Variants in NRG3 observed in about 807,000 individuals in gnomAD.
NRG3 encodes neuregulin 3, also known as pro-neuregulin-3, membrane-bound isoform.
In NRG3, 31 loss-of-function variants were observed where a neutral mutation model predicts 66.9. The observed-to-expected ratio is 0.46, with a 90% CI of 0.35 to 0.63. NRG3 has a LOEUF of 0.63. Ranked by LOEUF, NRG3 falls within the 20% of genes least tolerant of loss-of-function variation. NRG3 has a pLI of 0.00. For synonymous variants in NRG3, 393 were observed against 359.4 expected (o/e 1.09, Z -1.06); for missense variants, 910 against 878.9 (o/e 1.04, Z -0.45).
Position 82,557,980 on chromosome 10 carries a change from G to A in NRG3, c.954-180597G>A, listed in dbSNP as rs111328234. Among the ~76,000 whole-genome samples, 3 of 152,282 alleles carry A rather than the reference G, an allele frequency of 2.0e-5. No individual in the cohort carries two copies. The South Asian group carries it at 6.2e-4, about 32-fold the overall frequency. On this transcript the variant is annotated intron_variant, in intron 2 of 8. Coordinates refer to ENST00000372141, the MANE Select transcript of NRG3 (RefSeq NM_001010848.4). The stretch of plus-strand genomic sequence containing the variant: ...CATTACAAGGTGGTAAAAGATGAAA[G>A]AGAGGTTTGGAACACGTGGAGCTCT...
intron 1 of NRG3, among the ~76,000 whole-genome samples, chr10:82,259,208 T>C (rs1260711796): frequency 6.6e-6 from 1 of 152,218 alleles, no homozygotes; most frequent in Non-Finnish European, 1.5e-5. Flanking sequence ...GAAGTTGTTA[T>C]CTTTTTCACT....
intron 2 of NRG3, among the ~76,000 whole-genome samples, chr10:82,412,414 C>G (rs538013617): frequency 6.6e-6 from 1 of 152,016 alleles, no homozygotes; most frequent in South Asian, 2.1e-4. Flanking sequence ...AGCATCATGT[C>G]AAAAAATGTA....
chr10:82,435,749 G>A (rs1030552975), intron 2 of NRG3, among the ~76,000 whole-genome samples: 4 of 146,738 alleles, frequency 2.7e-5, no homozygotes, highest in Non-Finnish European at 6.0e-5. Context: ...CCATGAAATT[G>A]TGTGGTTTTG....
chr10:82,557,408 A>C (rs1416715743), intron 2 of NRG3, among the ~76,000 whole-genome samples: 1 of 151,884 alleles, frequency 6.6e-6, no homozygotes, highest in Non-Finnish European at 1.5e-5. Flanking sequence ...CTTTTTTTTC[A>C]TATGCTTATT....
At chr10:81,902,989 T>A (rs1654623123) in intron 1 of NRG3, among the ~76,000 whole-genome samples, 1 of 151,582 alleles carries the variant, frequency 6.6e-6, no homozygotes, top group African/African-American at 2.4e-5. Context: ...GGTACTATTA[T>A]CTCCATTTCA....
At chr10:82,640,124 G>T (rs2050468007) in intron 2 of NRG3, among the ~76,000 whole-genome samples, 1 of 152,098 alleles carries the variant, frequency 6.6e-6, no homozygotes, top group Admixed American at 6.5e-5. Context: ...TGGATGCATA[G>T]CAAATACCAT....
At chr10:82,478,832 T>A (rs1262238510) in intron 2 of NRG3, among the ~76,000 whole-genome samples, 1 of 152,226 alleles carries the variant, frequency 6.6e-6, no homozygotes, top group Non-Finnish European at 1.5e-5. Context: ...AACCTGCTAA[T>A]CTTTTATGGT....
At position 82,577,943 on chromosome 10, in the gene NRG3, G is replaced by A. The variant is rs533433591; in HGVS notation, c.954-160634G>A. On this transcript the variant is annotated intron_variant, in intron 2 of 8. Coordinates refer to ENST00000372141, the MANE Select transcript of NRG3 (RefSeq NM_001010848.4). ...TAAAAAGTCTCAGGAAACTGATCAC[G>A]ACAAACTCTAGTGAAAGTCTTTATT... Among the ~76,000 whole-genome samples, 4 of 151,534 alleles carry A rather than the reference G, an allele frequency of 2.6e-5. No individual in the cohort carries two copies. In the South Asian group the frequency reaches 8.3e-4, roughly 31 times the overall value.
intron 4 of NRG3, among the ~76,000 whole-genome samples, chr10:82,897,464 T>A (rs971981765): frequency 3.9e-5 from 6 of 152,190 alleles, no homozygotes; most frequent in African/African-American, 1.4e-4. Flanking sequence ...CTTCTTTTTT[T>A]TTCTGATCTT....
intron 2 of NRG3, among the ~76,000 whole-genome samples, chr10:82,712,152 A>C (rs1468511035): frequency 6.6e-6 from 1 of 151,998 alleles, no homozygotes; most frequent in Non-Finnish European, 1.5e-5. Context: ...ATTTTTAAAA[A>C]ATATTTTCTT....
chr10:81,904,155 A>G (rs1156474920), intron 1 of NRG3, among the ~76,000 whole-genome samples: 5 of 151,812 alleles, frequency 3.3e-5, no homozygotes, highest in South Asian at 4.2e-4. Flanking sequence ...GATTACAGGC[A>G]TGCAACACCA....
chr10:82,108,816 C>G (rs1407629582), intron 1 of NRG3, among the ~76,000 whole-genome samples: 1 of 152,168 alleles, frequency 6.6e-6, no homozygotes. Context: ...AGTGAAAGCT[C>G]AGGCAGAAGA....
At chr10:82,875,409 G>A (rs1841721946) in intron 4 of NRG3, among the ~76,000 whole-genome samples, 1 of 152,130 alleles carries the variant, frequency 6.6e-6, no homozygotes, top group South Asian at 2.1e-4. Flanking sequence ...ACAGGCTGGA[G>A]TGCAGTGGTG....
At chr10:82,531,603 C>T (rs1847269651) in intron 2 of NRG3, among the ~76,000 whole-genome samples, 1 of 151,724 alleles carries the variant, frequency 6.6e-6, no homozygotes, top group Non-Finnish European at 1.5e-5. Context: ...ATTTCATTCT[C>T]CAAAATATCC....
intron 1 of NRG3, among the ~76,000 whole-genome samples, chr10:82,056,405 A>G (rs2063849255): frequency 6.6e-6 from 1 of 152,184 alleles, no homozygotes. Context: ...CTTTGAAGCT[A>G]AAAGGATGGA....
chr10:82,734,843 C>T (rs373724585), intron 2 of NRG3, among the ~76,000 whole-genome samples: 7 of 151,654 alleles, frequency 4.6e-5, no homozygotes, highest in African/African-American at 1.7e-4. Context: ...CCTAGCAAAA[C>T]CCCCCTCTAC....
At chr10:82,632,625 G>C (rs2049919833) in intron 2 of NRG3, among the ~76,000 whole-genome samples, 1 of 152,130 alleles carries the variant, frequency 6.6e-6, no homozygotes, top group Admixed American at 6.6e-5. Context: ...TCGCAAAAGA[G>C]AAGGACTGTG....
At chr10:82,843,648 G>A (rs1478277951) in intron 3 of NRG3, among the ~76,000 whole-genome samples, 1 of 152,116 alleles carries the variant, frequency 6.6e-6, no homozygotes, top group East Asian at 1.9e-4. Context: ...GATGTTAGGT[G>A]AGCACAGCAA....
At chr10:82,505,257 TA>T (rs1249062943) in intron 2 of NRG3, among the ~76,000 whole-genome samples, 1 of 152,222 alleles carries the variant, frequency 6.6e-6, no homozygotes, top group East Asian at 1.9e-4. Flanking sequence ...GAAAGAATCC[TA>T]GCTGTTCACT....
Sources: allele counts gnomAD v4.1 joint callset (sites outside exome capture counted in the v4.1 genomes callset), GRCh38; gene constraint gnomAD v4.1.1; transcripts MANE v1.5; gene names NCBI Gene and HGNC (gene_info 2026-07-23, HGNC 2026-07-21).